The following CUX1 variants were observed in gnomAD, a reference collection of about 807,000 sequenced individuals.
CUX1 encodes the protein cut like homeobox 1.
Under a neutral mutation model 158.8 loss-of-function variants are expected in CUX1, and 31 were observed. The ratio of observed to expected loss-of-function variants is 0.20; its 90% confidence interval spans 0.15 to 0.26. CUX1 has a LOEUF of 0.26. Ranked by LOEUF, CUX1 falls within the 10% of genes least tolerant of loss-of-function variation. CUX1 has a pLI of 1.00. For missense variants in CUX1, 1,589 were observed against 2,014.6 expected, an observed-to-expected ratio of 0.79 and a Z score of 4.04; for synonymous variants, 879 against 862.1, an observed-to-expected ratio of 1.02 and a Z score of -0.34.
chr7:102,007,629 C>T (rs796131982), intron 2 of CUX1, among the ~76,000 whole-genome samples: 4 of 151,800 alleles, frequency 2.6e-5, no homozygotes, highest in African/African-American at 9.7e-5. Context: ...GCCCCACTCT[C>T]TCCTGTTCCC....
intron 2 of CUX1, among the ~76,000 whole-genome samples, chr7:102,018,737 TGC>T (rs1818977830): frequency 1.9e-5 from 1 of 51,696 alleles, no homozygotes; most frequent in African/African-American, 7.4e-5. Context: ...AGAGCTTGAG[TGC>T]GTGCGTGCGT....
intron 14 of CUX1, among the ~76,000 whole-genome samples, chr7:102,272,576 C>T (rs1235571696): frequency 6.6e-6 from 1 of 152,242 alleles, no homozygotes; most frequent in African/African-American, 2.4e-5. Flanking sequence ...CACAGTCAAC[C>T]AGAAACAGGG....
At chr7:101,954,351 A>G (rs1176360414) in intron 2 of CUX1, among the ~76,000 whole-genome samples, 1 of 152,252 alleles carries the variant, frequency 6.6e-6, no homozygotes, top group Non-Finnish European at 1.5e-5. Context: ...CCCTGTCTCA[A>G]CAAAATAAAA....
intron 1 of CUX1, among the ~76,000 whole-genome samples, chr7:101,875,671 G>A (rs1799046259): frequency 6.6e-6 from 1 of 152,134 alleles, no homozygotes; most frequent in African/African-American, 2.4e-5. Flanking sequence ...GACCTGAGAC[G>A]CGTTGAGCCC....
At position 102,101,818 on chromosome 7, in the gene CUX1, A is replaced by C. The variant is rs60300862; in HGVS notation, c.407-2518A>C. On this transcript the variant is annotated intron_variant, in intron 5 of 23. Coordinates refer to ENST00000292535, the MANE Select transcript of CUX1 (RefSeq NM_181552.4). Reference sequence around the variant, plus strand: ...TCCCAGCTCTTCGGGAGACTGAGGCACGAGAATTGTGTGAACCTGGGAGGC... The same window carrying C: ...TCCCAGCTCTTCGGGAGACTGAGGCCCGAGAATTGTGTGAACCTGGGAGGC... 1.9e-3 allele frequency among the ~76,000 whole-genome samples: 290 copies of C among 152,170 alleles called. 2 individuals carry two copies. The highest frequency in any genetic ancestry group is 6.8e-3 in the African/African-American group (281 of 41,512).
In CUX1 at chr7:102,161,604, T is replaced by A. The variant is rs544345230; in HGVS notation, c.723+2996T>A. On this transcript the variant is annotated intron_variant, in intron 9 of 23. Transcript: ENST00000292535. The stretch of plus-strand genomic sequence containing the variant: ...TCCGTGCCTAGGAAATTCCATTTTT[T>A]AAATTTATTTATTTTTCTTCTTTGA... Among the ~76,000 whole-genome samples, 6 of 152,246 alleles carry A rather than the reference T, an allele frequency of 3.9e-5. No homozygotes were observed. In the East Asian group the frequency reaches 5.8e-4, roughly 15 times the overall value.
chr7:101,931,566 T>G (rs1203653279), intron 2 of CUX1, among the ~76,000 whole-genome samples: 1 of 152,150 alleles, frequency 6.6e-6, no homozygotes, highest in Non-Finnish European at 1.5e-5. Context: ...GTGGCAAAGC[T>G]GCCTGAAGGT....
intron 2 of CUX1, among the ~76,000 whole-genome samples, chr7:101,998,289 T>G (rs1434440003): frequency 6.6e-6 from 1 of 152,086 alleles, no homozygotes; most frequent in Non-Finnish European, 1.5e-5. Flanking sequence ...GTGCGTGGGC[T>G]GCAGGCACAC....
At chr7:102,280,181 TC>T (rs1362703878) in intron 19 of CUX1, 8 of 1,142,862 alleles carry the variant, frequency 7.0e-6, no homozygotes, top group Admixed American at 3.7e-5. Context: ...AGCCCAGGGG[TC>T]CCCCCATCAC....
chr7:102,270,952 C>G (rs1554546124), intron 14 of CUX1, among the ~76,000 whole-genome samples: 1 of 152,218 alleles, frequency 6.6e-6, no homozygotes, highest in African/African-American at 2.4e-5. Context: ...CCATCATCTC[C>G]CTGGTGCCCA....
intron 8 of CUX1, among the ~76,000 whole-genome samples, chr7:102,141,477 G>A (rs1251093772): frequency 2.6e-5 from 4 of 152,196 alleles, no homozygotes; most frequent in African/African-American, 4.8e-5. Context: ...AAGATGCCAG[G>A]ATTTGGGACC....
chr7:101,959,238 AGTGTGTGTGTGTGTGT>A (rs55733311), intron 2 of CUX1, among the ~76,000 whole-genome samples: 19 of 145,818 alleles, frequency 1.3e-4, no homozygotes, highest in Non-Finnish European at 7.5e-5. Flanking sequence ...ATGTGTGTGC[AGTGTGTGTGTGTGTGT>A]GTGTGTGTGT....
chr7:101,822,745 A>G (rs547211139), intron 1 of CUX1, among the ~76,000 whole-genome samples: 3 of 152,246 alleles, frequency 2.0e-5, no homozygotes, highest in East Asian at 3.9e-4. Flanking sequence ...TACTAAAAAT[A>G]CAAAAATTAG....
chr7:102,123,203 C>T (rs113036466), intron 8 of CUX1, among the ~76,000 whole-genome samples: 2,293 of 151,736 alleles, frequency 0.015, 48 homozygotes, highest in African/African-American at 0.051. Context: ...TACACTCCAG[C>T]CTGGGCAATA....
intron 2 of CUX1, among the ~76,000 whole-genome samples, chr7:102,017,030 G>A (rs1818685897): frequency 6.6e-6 from 1 of 152,134 alleles, no homozygotes; most frequent in Admixed American, 6.6e-5. Context: ...TGGGCTGGGT[G>A]TGGTGGCTCA....
chr7:101,853,380 T>C (rs1009443963), intron 1 of CUX1, among the ~76,000 whole-genome samples: 4 of 152,142 alleles, frequency 2.6e-5, no homozygotes, highest in East Asian at 1.9e-4. Context: ...ATCTGTGAGG[T>C]TGTCTGTTAT....
intron 2 of CUX1, among the ~76,000 whole-genome samples, chr7:101,954,656 C>T (rs1303401436): frequency 6.6e-6 from 1 of 151,790 alleles, no homozygotes; most frequent in Non-Finnish European, 1.5e-5. Context: ...AGTGTGCTGG[C>T]ATTTGCAGTG....
intron 2 of CUX1, among the ~76,000 whole-genome samples, chr7:102,020,725 C>T (rs987840945): frequency 1.2e-4 from 18 of 151,826 alleles, no homozygotes; most frequent in African/African-American, 4.4e-4. Context: ...ACTAAAAATA[C>T]AAAAATTAGC....
chr7:101,939,401 TTA>T (rs1275894333), intron 2 of CUX1, among the ~76,000 whole-genome samples: 3 of 152,068 alleles, frequency 2.0e-5, no homozygotes, highest in African/African-American at 4.8e-5. Flanking sequence ...CAGGCAGTGC[TTA>T]TGTCACAGGT....
Sources: allele counts gnomAD v4.1 joint callset (sites outside exome capture counted in the v4.1 genomes callset), GRCh38; gene constraint gnomAD v4.1.1; transcripts MANE v1.5; gene names NCBI Gene and HGNC (gene_info 2026-07-23, HGNC 2026-07-21).